The following NPFFR2 variants were observed in gnomAD, a reference collection of about 807,000 sequenced individuals.
NPFFR2 encodes the protein neuropeptide FF receptor 2.
In NPFFR2, 15 loss-of-function variants were observed where a neutral mutation model predicts 13.1. The observed-to-expected ratio is 1.15, with a 90% CI of 0.77 to 1.76. The LOEUF (loss-of-function observed/expected upper bound fraction) is 1.76, where lower values mean the gene tolerates loss of function less well. Ranked by LOEUF, NPFFR2 falls within the 40% of genes most tolerant of loss-of-function variation. The pLI, the probability that NPFFR2 is intolerant of heterozygous loss-of-function variation, is 0.00. For missense variants in NPFFR2, 572 were observed against 503.5 expected (o/e 1.14, Z -1.30); for synonymous variants, 190 against 175.7 (o/e 1.08, Z -0.65).
chr4:72,087,908 G>A (rs72856171), intron 1 of NPFFR2, among the ~76,000 whole-genome samples: 4,712 of 152,018 alleles, frequency 0.031, 234 homozygotes, highest in African/African-American at 0.11. Flanking sequence ...TTTCATTTCT[G>A]GTTCTGCTGC....
intron 1 of NPFFR2, among the ~76,000 whole-genome samples, chr4:72,120,616 G>C (rs1395907481): frequency 6.6e-6 from 1 of 152,168 alleles, no homozygotes; most frequent in African/African-American, 2.4e-5. Flanking sequence ...AGGCAAATAG[G>C]GTCTGGAGTG....
intron 1 of NPFFR2, among the ~76,000 whole-genome samples, chr4:72,084,803 G>C (rs1396208354): frequency 3.3e-5 from 5 of 152,084 alleles, no homozygotes; most frequent in Non-Finnish European, 7.4e-5. Context: ...CTGGCCACAG[G>C]TCATGATTTC....
At chr4:72,035,657 A>G (rs1240685378) in intron 1 of NPFFR2, among the ~76,000 whole-genome samples, 2 of 152,368 alleles carry the variant, frequency 1.3e-5, no homozygotes, top group Non-Finnish European at 2.9e-5. Context: ...GACCATCAGA[A>G]TAATTGCACA....
At chr4:72,064,156 A>G (rs1199278562) in intron 1 of NPFFR2, among the ~76,000 whole-genome samples, 1 of 152,218 alleles carries the variant, frequency 6.6e-6, no homozygotes, top group Admixed American at 6.5e-5. Context: ...TATTTCTGCA[A>G]ATGAATTAGT....
At chr4:72,044,071 T>A (rs1407239250) in intron 1 of NPFFR2, among the ~76,000 whole-genome samples, 4 of 152,176 alleles carry the variant, frequency 2.6e-5, no homozygotes, top group Non-Finnish European at 5.9e-5. Context: ...GATGGTTTTA[T>A]AAGGGGCTTT....
At chr4:72,071,913 G>C (rs1295122585) in intron 1 of NPFFR2, among the ~76,000 whole-genome samples, 1 of 151,990 alleles carries the variant, frequency 6.6e-6, no homozygotes, top group Non-Finnish European at 1.5e-5. Flanking sequence ...TTGAAGACTA[G>C]CTCATTGAAA....
chr4:72,119,076 A>T (rs1308177001), intron 1 of NPFFR2, among the ~76,000 whole-genome samples: 1 of 152,184 alleles, frequency 6.6e-6, no homozygotes. Flanking sequence ...TAGAAAAAAT[A>T]TATGCTGGTA....
rs886121054 is a variant in NPFFR2, at chr4:72,138,041, A to G, written c.330A>G (p.Gly110=). The G allele has an allele frequency of 4.4e-6, 7 of 1,607,726 alleles. No homozygotes were observed. In the Admixed American group the frequency reaches 5.0e-5, roughly 12 times the overall value. Reference sequence around the variant, plus strand: ...AAGACTGTTTCATTTTCCTTTCAGGATGGCCATTTGGAAACACGATGTGCA... The same window carrying G: ...AAGACTGTTTCATTTTCCTTTCAGGGTGGCCATTTGGAAACACGATGTGCA... The part of the protein sequence containing the change: ...PITLLDNIIA[G]WPFGNTMCKI... Residue 110 remains glycine (G), a splice_region_variant and synonymous_variant, in exon 3 of 4, where the codon GGA becomes GGG. Transcript: ENST00000308744.
At chr4:72,086,198 G>T (rs1223213380) in intron 1 of NPFFR2, among the ~76,000 whole-genome samples, 1 of 152,058 alleles carries the variant, frequency 6.6e-6, no homozygotes, top group East Asian at 1.9e-4. Context: ...GCTTTATATT[G>T]AAGGTTGAAA....
chr4:72,055,594 T>C (rs907198597), intron 1 of NPFFR2, among the ~76,000 whole-genome samples: 3 of 151,948 alleles, frequency 2.0e-5, no homozygotes, highest in Non-Finnish European at 4.4e-5. Flanking sequence ...CATCTTTCAC[T>C]TTAAATCAAA....
chr4:72,054,258 G>C (rs1473508098), intron 1 of NPFFR2, among the ~76,000 whole-genome samples: 1 of 151,898 alleles, frequency 6.6e-6, no homozygotes, highest in African/African-American at 2.4e-5. Context: ...CAGTAATTGA[G>C]ACAGTGTTGT....
chr4:72,073,728 C>T (rs982692382), intron 1 of NPFFR2, among the ~76,000 whole-genome samples: 10 of 151,816 alleles, frequency 6.6e-5, no homozygotes, highest in African/African-American at 1.7e-4. Flanking sequence ...TTTATAACAT[C>T]GACAACTAAA....
At chr4:72,092,206 G>A (rs1156332645) in intron 1 of NPFFR2, among the ~76,000 whole-genome samples, 1 of 151,972 alleles carries the variant, frequency 6.6e-6, no homozygotes, top group Non-Finnish European at 1.5e-5. Flanking sequence ...GAGAGTACTT[G>A]ATATAATCTC....
chr4:72,067,025 G>T (rs1720091133), intron 1 of NPFFR2, among the ~76,000 whole-genome samples: 1 of 132,192 alleles, frequency 7.6e-6, no homozygotes, highest in Non-Finnish European at 1.6e-5. Context: ...CCCAGGTTGG[G>T]GCCTTATTCA....
intron 1 of NPFFR2, among the ~76,000 whole-genome samples, chr4:72,075,851 T>G (rs10000251): frequency 0.89 from 135,798 of 151,904 alleles, 61,738 homozygotes; most frequent in Non-Finnish European, 0.98. Context: ...TGAATGGTGG[T>G]GATGGTTGCA....
intron 1 of NPFFR2, among the ~76,000 whole-genome samples, chr4:72,107,668 G>A (rs1047961714): frequency 6.6e-6 from 1 of 151,918 alleles, no homozygotes; most frequent in African/African-American, 2.4e-5. Context: ...TCATAAGTAT[G>A]CCCTAGAGGG....
At chr4:72,131,402 C>T (rs1722235708) in intron 2 of NPFFR2, among the ~76,000 whole-genome samples, 1 of 132,488 alleles carries the variant, frequency 7.5e-6, no homozygotes. Flanking sequence ...ACAATGAGAT[C>T]ACATGGACAC....
intron 1 of NPFFR2, among the ~76,000 whole-genome samples, chr4:72,032,653 G>C (rs146183686): frequency 6.6e-6 from 1 of 152,308 alleles, no homozygotes; most frequent in Non-Finnish European, 1.5e-5. Flanking sequence ...GCTGAAATCA[G>C]GTTTCTGAGC....
intron 1 of NPFFR2, among the ~76,000 whole-genome samples, chr4:72,050,623 T>A (rs1472731654): frequency 3.9e-5 from 6 of 152,036 alleles, no homozygotes; most frequent in Admixed American, 6.6e-5. Context: ...TGTATTTTTT[T>A]AAATTATACT....
Sources: allele counts gnomAD v4.1 joint callset (sites outside exome capture counted in the v4.1 genomes callset), GRCh38; gene constraint gnomAD v4.1.1; transcripts MANE v1.5; gene names NCBI Gene and HGNC (gene_info 2026-07-23, HGNC 2026-07-21).